TGS1: variants seen among roughly 807,000 people sequenced by gnomAD.
TGS1 encodes the protein trimethylguanosine synthase.
TGS1 carries 69 observed loss-of-function variants against 92.2 expected under a neutral mutation model. That is an observed-to-expected ratio of 0.75 (90% CI 0.62 to 0.91). The LOEUF (loss-of-function observed/expected upper bound fraction) is 0.91, where lower values mean the gene tolerates loss of function less well. TGS1 is among the 40% of genes least tolerant of loss of function. TGS1 has a pLI of 0.00. For missense variants in TGS1, 1,062 were observed against 1,001.2 expected (o/e 1.06, Z -0.82); for synonymous variants, 345 against 338.1 (o/e 1.02, Z -0.22).
intron 10 of TGS1, among the ~76,000 whole-genome samples, chr8:55,807,208 G>A (rs774080237): frequency 2.6e-5 from 4 of 151,996 alleles, no homozygotes; most frequent in South Asian, 2.1e-4. Context: ...GATTACAGGC[G>A]TGAGCCACCA....
intron 6 of TGS1, among the ~76,000 whole-genome samples, chr8:55,793,153 A>G (rs1315448702): frequency 6.6e-6 from 1 of 152,260 alleles, no homozygotes; most frequent in Non-Finnish European, 1.5e-5. Context: ...CATGCCATGA[A>G]ACGTTGAAAT....
chr8:55,780,160 C>CT (rs56871302), intron 1 of TGS1, among the ~76,000 whole-genome samples: 18,730 of 130,878 alleles, frequency 0.14, 1,548 homozygotes, highest in African/African-American at 0.24. Flanking sequence ...TCTGGCATGG[C>CT]TTTTTTTTTT....
intron 1 of TGS1, among the ~76,000 whole-genome samples, chr8:55,778,638 G>T (rs1362406785): frequency 1.3e-5 from 2 of 152,198 alleles, no homozygotes; most frequent in Admixed American, 1.3e-4. Flanking sequence ...TAAAAGAGTA[G>T]TGACCTTATA....
chr8:55,797,596 C>G (rs1195831936), intron 7 of TGS1, among the ~76,000 whole-genome samples: 1 of 152,178 alleles, frequency 6.6e-6, no homozygotes, highest in Non-Finnish European at 1.5e-5. Context: ...CACATTATTA[C>G]CTGAAATATT....
chr8:55,791,768 CT>C (rs199602024), intron 5 of TGS1, among the ~76,000 whole-genome samples: 4 of 151,940 alleles, frequency 2.6e-5, no homozygotes, highest in Non-Finnish European at 5.9e-5. Flanking sequence ...AATAAAAGTT[CT>C]TTTTTTTGGT....
chr8:55,782,609 A>G, intron 1 of TGS1, 139 bp from the exon 2 acceptor site: 1 of 588,108 alleles, frequency 1.7e-6, no homozygotes, highest in Non-Finnish European at 2.9e-6. Context: ...CTACATTATA[A>G]GTGAGGGAAA....
At chr8:55,803,636 C>T (rs1027439453) in intron 9 of TGS1, among the ~76,000 whole-genome samples, 6 of 151,744 alleles carry the variant, frequency 4.0e-5, no homozygotes, top group South Asian at 2.1e-4. Context: ...GGAAAATTAA[C>T]GCACATTATT....
At chr8:55,788,403 A>G (rs552424070) in intron 4 of TGS1, among the ~76,000 whole-genome samples, 1 of 150,296 alleles carries the variant, frequency 6.7e-6, no homozygotes, top group Non-Finnish European at 1.5e-5. Context: ...AGTGGAGCCT[A>G]CCTCAGTATA....
intron 1 of TGS1, among the ~76,000 whole-genome samples, chr8:55,777,267 C>A (rs1227936020): frequency 6.8e-6 from 1 of 147,208 alleles, no homozygotes; most frequent in East Asian, 2.0e-4. Context: ...CCTCAGCCTC[C>A]CAAAGTGCTG....
At chr8:55,782,885 G>C (rs1290957481) in intron 2 of TGS1, 73 bp downstream of exon 2, 9 of 961,592 alleles carry the variant, frequency 9.4e-6, no homozygotes, top group Non-Finnish European at 1.4e-5. Flanking sequence ...TGTATAATTT[G>C]TTATAATATT....
rs745610533 is a variant in TGS1 at position 55,810,879 on chromosome 8, A to G, written c.2144-2A>G. On this transcript the variant is annotated splice_acceptor_variant, in intron 10 of 12. Coordinates refer to ENST00000260129, the MANE Select transcript of TGS1 (RefSeq NM_024831.8). LOFTEE classifies it high-confidence loss of function. ...CTCATTTTTTTCTTTTCCCACTTTT[A>G]GTGATTGCCATTGATATCGATCCTG... 4.8e-5 allele frequency: 77 copies of G among 1,612,934 alleles called. No homozygotes were observed. The highest frequency in any genetic ancestry group is 4.0e-4 in the Admixed American group (24 of 59,970).
Position 55,786,480 on chromosome 8 carries a change from T to C in TGS1, c.582T>C (p.Ile194=), listed in dbSNP as rs146500308. ...ACACATTATCTCCAAAGCTAGAAAT[T>C]ACAGAGAAATGGGAAAAGTATTGGA... The part of the protein sequence containing the change: ...VENTLSPKLE[I]TEKWEKYWNE... Residue 194 remains isoleucine (I), a synonymous_variant, in exon 4 of 13, where the codon ATT becomes ATC. Coordinates refer to ENST00000260129, the MANE Select transcript of TGS1 (RefSeq NM_024831.8). 7.7e-5 allele frequency: 124 copies of C among 1,613,802 alleles called. No homozygotes were observed. Among genetic ancestry groups the C allele is most frequent in the Non-Finnish European group, 1.0e-4 (120 of 1,179,972 alleles).
At chr8:55,811,180 T>TGGGGGGGGG in intron 11 of TGS1, 83 bp downstream of exon 11, 1 of 131,422 alleles carries the variant, frequency 7.6e-6, no homozygotes, top group Non-Finnish European at 1.5e-5. Context: ...GGAGTGTGGG[T>TGGGGGGGGG]GGGTGGGCAG....
intron 10 of TGS1, among the ~76,000 whole-genome samples, chr8:55,807,900 CAA>C (rs986851162): frequency 8.5e-5 from 13 of 152,204 alleles, no homozygotes; most frequent in Admixed American, 3.9e-4. Flanking sequence ...TTATACCTAT[CAA>C]TGATAGTTTC....
rs191968372 is a variant in TGS1 at position 55,786,035 on chromosome 8, G to A, written c.339+144G>A. On this transcript the variant is annotated intron_variant, in intron 3 of 12. Coordinates refer to ENST00000260129, the MANE Select transcript of TGS1 (RefSeq NM_024831.8). ...AATGTATGTATTTATAAATTAACCA[G>A]AACTGAAAGTTGTAATATGTCCCAA... 7.7e-6 allele frequency: 6 copies of A among 776,022 alleles called. No homozygotes were observed. In the African/African-American group the frequency reaches 8.9e-5, roughly 11 times the overall value. The allele number at this position is 776,022 out of a possible 1,614,324, so 48.1% of individuals were successfully genotyped here.
At position 55,798,995 on chromosome 8, in the gene TGS1, G is replaced by A. The variant is rs754342453; in HGVS notation, c.1624G>A (p.Asp542Asn). ...ATCATCTTCTCATGACAATGTGCAC[G>A]ACGCTTCCACAAGTAGTGATTCAGA... is the stretch of plus-strand genomic sequence containing the variant. Reference protein sequence around the residue: ...QESSSHDNVHDASTSSDSEEQ... With the variant: ...QESSSHDNVHNASTSSDSEEQ... The change falls in exon 8 of 13, where the codon GAC becomes AAC. Residue 542 changes from aspartate to asparagine, a missense_variant. Transcript: ENST00000260129. 26 of 1,614,148 alleles carry A rather than the reference G, an allele frequency of 1.6e-5. No individual in the cohort carries two copies. Among genetic ancestry groups the A allele is most frequent in the Middle Eastern group, 1.6e-4 (1 of 6,062 alleles).
intron 2 of TGS1, among the ~76,000 whole-genome samples, chr8:55,783,360 A>C (rs185102417): frequency 6.6e-6 from 1 of 152,336 alleles, no homozygotes; most frequent in Admixed American, 6.5e-5. Flanking sequence ...CAGAGTTTGC[A>C]GTGAGCTGAG....
In TGS1 at chr8:55,799,202, C is replaced by T. The variant is rs140593335; in HGVS notation, c.1831C>T (p.Arg611Cys). Reference sequence around the variant, plus strand: ...TGTTACTCAAGAAGTGCCAGACTCCCGCCAGGCAGAAACTGAAGGTAACAC... The same window carrying T: ...TGTTACTCAAGAAGTGCCAGACTCCTGCCAGGCAGAAACTGAAGGTAACAC... ...DCVTQEVPDS[R>C]QAETEAEVKK... Residue 611 changes from arginine to cysteine, a missense_variant, in exon 8 of 13, where the codon CGC becomes TGC. Transcript: ENST00000260129. The T allele has an allele frequency of 4.6e-5, 74 of 1,609,480 alleles. No individual in the cohort carries two copies. In the African/African-American group the frequency reaches 7.2e-4, roughly 16 times the overall value.
At chr8:55,806,228 T>A (rs546425842) in intron 10 of TGS1, among the ~76,000 whole-genome samples, 27 of 151,532 alleles carry the variant, frequency 1.8e-4, no homozygotes, top group Non-Finnish European at 3.4e-4. Flanking sequence ...TGGTAGCGTG[T>A]GCCTGTAGTC....
Sources: allele counts gnomAD v4.1 joint callset (sites outside exome capture counted in the v4.1 genomes callset), GRCh38; gene constraint gnomAD v4.1.1; transcripts MANE v1.5; gene names NCBI Gene and HGNC (gene_info 2026-07-23, HGNC 2026-07-21).